The following ZFYVE21 variants were observed in gnomAD, a reference collection of about 807,000 sequenced individuals.
The protein encoded by ZFYVE21 is zinc finger FYVE-type containing 21.
ZFYVE21 carries 21 observed loss-of-function variants against 29.5 expected under a neutral mutation model. The observed-to-expected ratio is 0.71, with a 90% CI of 0.50 to 1.02. The LOEUF is 1.02. Ranked by LOEUF, ZFYVE21 falls within the 50% of genes least tolerant of loss-of-function variation. ZFYVE21 has a pLI of 0.00. For synonymous variants in ZFYVE21, 151 were observed against 133.8 expected (o/e 1.13, Z -0.89); for missense variants, 326 against 335.4 (o/e 0.97, Z 0.22).
At chr14:103,720,281 G>C (rs567701079) in intron 1 of ZFYVE21, among the ~76,000 whole-genome samples, 1 of 152,204 alleles carries the variant, frequency 6.6e-6, no homozygotes, top group South Asian at 2.1e-4. Flanking sequence ...TTTGACGTGG[G>C]TTCCTTTTCT....
chr14:103,717,966 A>G (rs1386701955), intron 1 of ZFYVE21, among the ~76,000 whole-genome samples: 3 of 152,198 alleles, frequency 2.0e-5, no homozygotes, highest in African/African-American at 4.8e-5. Flanking sequence ...TTTAGGTGCA[A>G]TAGCTCGAGG....
At chr14:103,728,149 G>T (rs2083945760) in intron 3 of ZFYVE21, 2 of 458,596 alleles carry the variant, frequency 4.4e-6, no homozygotes, top group Admixed American at 8.2e-5. Flanking sequence ...ACGTCCATCA[G>T]GTGGGAGGGG....
chr14:103,729,924 CG>C, intron 5 of ZFYVE21: 1 of 1,477,542 alleles, frequency 6.8e-7, no homozygotes, highest in Non-Finnish European at 9.1e-7. Flanking sequence ...CTTCTGTCCA[CG>C]GGGTGGTCCA....
rs1313681796 is a variant in ZFYVE21 at position 103,733,445 on chromosome 14, T to TAGCC, written c.*430_*433dup. On this transcript the variant is annotated 3_prime_UTR_variant, in exon 7 of 7. Coordinates refer to ENST00000311141, the MANE Select transcript of ZFYVE21 (RefSeq NM_024071.4). ...TGCAGTGGAGCCTGTTCGCCTCTAA[T>TAGCC]AGCCAGTTTACAGCACTTGCCTTAG... is the stretch of plus-strand genomic sequence containing the variant. 5.8e-6 allele frequency: 1 copy of TAGCC among 172,076 alleles called. No homozygotes were observed. The highest frequency in any genetic ancestry group is 2.4e-5 in the African/African-American group (1 of 41,748). 10.7% of individuals were successfully genotyped at this position (172,076 alleles called of 1,614,324 possible). A position where few individuals can be genotyped will look rare whatever the true frequency, so the allele number is the denominator to read the frequency against.
chr14:103,727,690 C>G, intron 2 of ZFYVE21, 56 bp from the exon 3 acceptor site: 1 of 1,589,748 alleles, frequency 6.3e-7, no homozygotes, highest in Non-Finnish European at 8.5e-7. Context: ...GGGGCCACAC[C>G]CGGGGCCGCT....
chr14:103,726,209 C>G (rs111898068), intron 1 of ZFYVE21: 2 of 152,338 alleles, frequency 1.3e-5, no homozygotes, highest in African/African-American at 4.8e-5. Flanking sequence ...GGTCAGGGCA[C>G]GCACGCCAGG....
At chr14:103,722,204 A>AT (rs1384922656) in intron 1 of ZFYVE21, among the ~76,000 whole-genome samples, 1 of 152,152 alleles carries the variant, frequency 6.6e-6, no homozygotes, top group Non-Finnish European at 1.5e-5. Context: ...TCTGTTGATA[A>AT]TTTTTTAAAT....
intron 1 of ZFYVE21, chr14:103,724,576 G>C (rs950249639): frequency 7.9e-5 from 12 of 152,244 alleles, no homozygotes; most frequent in African/African-American, 2.9e-4. Flanking sequence ...AAGGGAAAAG[G>C]GGGCTCTTCG....
chr14:103,729,982 T>G (rs2083960099), intron 5 of ZFYVE21: 1 of 994,652 alleles, frequency 1.0e-6, no homozygotes, highest in African/African-American at 1.6e-5. Flanking sequence ...TTGGTTGACT[T>G]AAGAGAGATG....
intron 5 of ZFYVE21, 106 bp from the exon 6 acceptor site, chr14:103,732,514 T>TG (rs2083991146): frequency 2.2e-6 from 3 of 1,368,816 alleles, no homozygotes; most frequent in South Asian, 3.2e-5. Flanking sequence ...AGGCTACTCT[T>TG]GGAGCAGCAC....
At chr14:103,726,011 T>A (rs1441280267) in intron 1 of ZFYVE21, 1 of 152,300 alleles carries the variant, frequency 6.6e-6, no homozygotes, top group East Asian at 1.9e-4. Context: ...TCTGTGTGCA[T>A]AGAACACTCT....
At chr14:103,730,480 T>A (rs1208034477) in intron 5 of ZFYVE21, 1 of 152,752 alleles carries the variant, frequency 6.5e-6, no homozygotes, top group African/African-American at 2.4e-5. Flanking sequence ...GGCCAGTGTT[T>A]AGGGGCATCA....
intron 1 of ZFYVE21, chr14:103,725,919 C>T (rs2083919283): frequency 6.6e-6 from 1 of 152,366 alleles, no homozygotes; most frequent in Admixed American, 6.5e-5. Flanking sequence ...GCCACCTGCC[C>T]AGTTCCCAGG....
intron 1 of ZFYVE21, among the ~76,000 whole-genome samples, chr14:103,718,336 G>C (rs772706410): frequency 9.9e-5 from 15 of 152,200 alleles, no homozygotes; most frequent in Non-Finnish European, 1.8e-4. Flanking sequence ...GACCGGGCTG[G>C]TTTATCAGTT....
rs961847812 is a variant in ZFYVE21, at chr14:103,716,978, T to C, written c.138+999T>C. ...TAACACGTGTTACAGATTCGTTTAA[T>C]TCCCTCAGTGATAGAACTAAGCAGA... On this transcript the variant is annotated intron_variant, in intron 1 of 6. Coordinates refer to ENST00000311141, the MANE Select transcript of ZFYVE21 (RefSeq NM_024071.4). The surrounding 1 kb of genome is among the most constrained non-coding windows in gnomAD (Gnocchi z 4.8). Among the ~76,000 whole-genome samples the C allele has an allele frequency of 1.3e-5, 2 of 151,982 alleles. No homozygotes were observed. Among genetic ancestry groups the C allele is most frequent in the Non-Finnish European group, 2.9e-5 (2 of 68,040 alleles).
rs1040249754 is a variant in ZFYVE21, at chr14:103,726,605, G to T, written c.139-187G>T. On this transcript the variant is annotated intron_variant, in intron 1 of 6. Coordinates refer to ENST00000311141, the MANE Select transcript of ZFYVE21 (RefSeq NM_024071.4). ...GCCTGGGAGCAGCCTGCACCCCACC[G>T]CATTGGCTCTGGAGCCTGGGCACAG... 7.1e-6 allele frequency: 5 copies of T among 699,978 alleles called. No individual in the cohort carries two copies. In the Admixed American group the frequency reaches 9.0e-5, roughly 13 times the overall value. The allele number at this position is 699,978 out of a possible 1,614,324, so 43.4% of individuals were successfully genotyped here.
chr14:103,731,339 C>G (rs2083971875), intron 5 of ZFYVE21: 1 of 151,326 alleles, frequency 6.6e-6, no homozygotes, highest in Admixed American at 6.6e-5. Flanking sequence ...GTGGCTCATG[C>G]CTATAATCCT....
At chr14:103,728,847 G>T in intron 3 of ZFYVE21, 61 bp from the exon 4 acceptor site, 2 of 1,539,866 alleles carry the variant, frequency 1.3e-6, no homozygotes, top group Non-Finnish European at 9.0e-7. Flanking sequence ...TGGTACTCGT[G>T]GGAAGGGTTA....
intron 1 of ZFYVE21, among the ~76,000 whole-genome samples, chr14:103,723,826 C>A (rs2083896406): frequency 6.6e-6 from 1 of 152,226 alleles, no homozygotes; most frequent in Non-Finnish European, 1.5e-5. Flanking sequence ...TCCGAGCCCC[C>A]TGTGGAGGGG....
Sources: gnomAD v4.1 joint callset for allele counts (sites outside exome capture counted in the v4.1 genomes callset) on GRCh38, gnomAD v4.1.1 for gene constraint, Gnocchi (gnomAD v3.1) non-coding constraint, MANE v1.5 for transcripts, NCBI Gene and HGNC (gene_info 2026-07-23, HGNC 2026-07-21) for gene names.